Variants in GLIS3 observed in about 807,000 individuals in gnomAD.
The protein encoded by GLIS3 is GLIS family zinc finger 3, also known as zinc finger protein GLIS3.
Under a neutral mutation model 78.6 loss-of-function variants are expected in GLIS3, and 53 were observed. The ratio of observed to expected loss-of-function variants is 0.67; its 90% confidence interval spans 0.54 to 0.85. GLIS3 has a LOEUF of 0.85. Ranked by LOEUF, GLIS3 falls within the 40% of genes least tolerant of loss-of-function variation. GLIS3 has a pLI of 0.00. For synonymous variants in GLIS3, 684 were observed against 509.9 expected (o/e 1.34, Z -4.60); for missense variants, 1,703 against 1,231.1 (o/e 1.38, Z -5.74).
chr9:4,464,516 T>A, the GLIS3 span, among the ~76,000 whole-genome samples: 1 of 152,114 alleles, frequency 6.6e-6, no homozygotes, highest in Non-Finnish European at 1.5e-5. Context: ...TGCTTCAGCC[T>A]CCCGAGCAGC....
chr9:4,312,579 A>G (rs1817382126), intron 2 of GLIS3, among the ~76,000 whole-genome samples: 2 of 152,254 alleles, frequency 1.3e-5, no homozygotes, highest in Non-Finnish European at 2.9e-5. Flanking sequence ...TATACATATG[A>G]AAAACAAATC....
chr9:3,912,783 A>C (rs577181757), intron 6 of GLIS3, among the ~76,000 whole-genome samples: 17 of 152,314 alleles, frequency 1.1e-4, no homozygotes, highest in Non-Finnish European at 2.2e-4. Flanking sequence ...TTTTTTTAGA[A>C]AAACAGAGAA....
intron 9 of GLIS3, among the ~76,000 whole-genome samples, chr9:3,841,310 T>A (rs1389998379): frequency 2.0e-5 from 3 of 152,178 alleles, no homozygotes; most frequent in Admixed American, 2.0e-4. Context: ...ATAATGCACA[T>A]TTGGAAAATA....
chr9:4,167,381 A>G (rs1333436631), intron 2 of GLIS3, among the ~76,000 whole-genome samples: 3 of 152,204 alleles, frequency 2.0e-5, no homozygotes, highest in Non-Finnish European at 4.4e-5. Flanking sequence ...GACAAACAGG[A>G]AAGAAAAATA....
In GLIS3 at chr9:4,212,786, C is replaced by A. The variant is rs774104408; in HGVS notation, c.388+73252G>T. Among the ~76,000 whole-genome samples, 3 of 152,066 alleles carry A rather than the reference C, an allele frequency of 2.0e-5. 1 individual carries two copies. Among genetic ancestry groups the A allele is most frequent in the Non-Finnish European group, 4.4e-5 (3 of 68,008 alleles). The stretch of plus-strand genomic sequence containing the variant: ...TCTAAATAGGGCATAGTGTTAGAGG[C>A]AATGAGTAGAAGAGAAGTTTCAGAA... On this transcript the variant is annotated intron_variant, in intron 2 of 10. Coordinates refer to ENST00000381971, the MANE Select transcript of GLIS3 (RefSeq NM_001042413.2).
chr9:4,010,365 T>C lies in GLIS3; in HGVS notation c.1711-73176A>G, dbSNP rs144098955. ...CACTTTACAGGACAGTTGCAAATAT[T>C]AATTTATTTCCTACAGGCAAAGCCC... On this transcript the variant is annotated intron_variant, in intron 4 of 10. Transcript: ENST00000381971. 2.6e-4 allele frequency among the ~76,000 whole-genome samples: 40 copies of C among 152,290 alleles called. No homozygotes were observed. In the East Asian group the frequency reaches 5.4e-3, roughly 21 times the overall value.
chr9:4,184,799 G>T (rs1466347925), intron 2 of GLIS3, among the ~76,000 whole-genome samples: 1 of 152,142 alleles, frequency 6.6e-6, no homozygotes, highest in African/African-American at 2.4e-5. Context: ...ATTATTGTGG[G>T]GTGGAGGAGG....
intron 2 of GLIS3, among the ~76,000 whole-genome samples, chr9:4,244,684 C>G (rs1340077982): frequency 6.6e-6 from 1 of 152,070 alleles, no homozygotes; most frequent in East Asian, 1.9e-4. Context: ...AAGTGATTCT[C>G]CTGCCTCAAC....
chr9:4,404,999 G>A, the GLIS3 span, among the ~76,000 whole-genome samples: 1 of 152,008 alleles, frequency 6.6e-6, no homozygotes, highest in African/African-American at 2.4e-5. Context: ...AAAAAAGAGG[G>A]GAGACCCAAA....
At chr9:4,411,247 A>G in the GLIS3 span, among the ~76,000 whole-genome samples, 34 of 152,200 alleles carry the variant, frequency 2.2e-4, no homozygotes, top group Admixed American at 1.8e-3. Flanking sequence ...CACTCCTACA[A>G]TGTGTTATAA....
At chr9:4,388,745 A>T in the GLIS3 span, among the ~76,000 whole-genome samples, 1 of 152,200 alleles carries the variant, frequency 6.6e-6, no homozygotes, top group Non-Finnish European at 1.5e-5. Flanking sequence ...AGTACAATAT[A>T]AAATCATCTA....
chr9:4,062,527 A>C (rs1315744125), intron 4 of GLIS3, among the ~76,000 whole-genome samples: 1 of 152,202 alleles, frequency 6.6e-6, no homozygotes, highest in African/African-American at 2.4e-5. Context: ...TGTATGATCT[A>C]GGTTAAGGCA....
intron 2 of GLIS3, among the ~76,000 whole-genome samples, chr9:4,194,210 G>A (rs977992534): frequency 4.6e-5 from 7 of 151,888 alleles, no homozygotes; most frequent in South Asian, 2.1e-4. Flanking sequence ...GGCCCACGCT[G>A]CCACGCCCAG....
intron 2 of GLIS3, among the ~76,000 whole-genome samples, chr9:4,253,556 G>A (rs770155043): frequency 1.1e-4 from 17 of 152,204 alleles, no homozygotes; most frequent in Non-Finnish European, 1.9e-4. Flanking sequence ...TGTGCGGGTG[G>A]GATCCGCTGA....
At chr9:3,835,394 G>C (rs1236074957) in intron 9 of GLIS3, among the ~76,000 whole-genome samples, 1 of 152,180 alleles carries the variant, frequency 6.6e-6, no homozygotes, top group African/African-American at 2.4e-5. Flanking sequence ...GTCAGGCTTG[G>C]CAGGATCCTC....
chr9:4,307,681 G>A (rs1817263810), intron 4 of GLIS3, among the ~76,000 whole-genome samples: 1 of 152,218 alleles, frequency 6.6e-6, no homozygotes, highest in South Asian at 2.1e-4. Context: ...ATCCTGGACT[G>A]TGGAAGTGAG....
chr9:4,279,194 G>A (rs1364225128), intron 2 of GLIS3, among the ~76,000 whole-genome samples: 1 of 150,768 alleles, frequency 6.6e-6, no homozygotes, highest in Non-Finnish European at 1.5e-5. Context: ...AGCTACTCAT[G>A]AGGCTGACGC....
At chr9:3,948,367 C>T (rs1588291507) in intron 4 of GLIS3, among the ~76,000 whole-genome samples, 2 of 152,336 alleles carry the variant, frequency 1.3e-5, no homozygotes. Context: ...CCTATATGTT[C>T]ACTCATGGCT....
At chr9:3,883,884 G>C (rs545526398) in intron 7 of GLIS3, among the ~76,000 whole-genome samples, 1 of 152,366 alleles carries the variant, frequency 6.6e-6, no homozygotes, top group East Asian at 1.9e-4. Flanking sequence ...TCCTGTTCTT[G>C]AGATGAATAC....
Sources: gnomAD v4.1 joint callset for allele counts (sites outside exome capture counted in the v4.1 genomes callset) on GRCh38, gnomAD v4.1.1 for gene constraint, MANE v1.5 for transcripts, NCBI Gene and HGNC (gene_info 2026-07-23, HGNC 2026-07-21) for gene names.